MREG: variants seen among roughly 807,000 people sequenced by gnomAD.
MREG encodes the protein dilute suppressor protein homolog.
Under a neutral mutation model 28.5 loss-of-function variants are expected in MREG, and 31 were observed. That is an observed-to-expected ratio of 1.09 (90% CI 0.82 to 1.47). The LOEUF is 1.47. Ranked by LOEUF, MREG falls within the 40% of genes most tolerant of loss-of-function variation. MREG has a pLI of 0.00. For synonymous variants in MREG, 106 were observed against 95.2 expected (o/e 1.11, Z -0.66); for missense variants, 256 against 257.4 (o/e 0.99, Z 0.04).
At chr2:216,030,725 CTTTCTT>C (rs1694667461) in intron 1 of MREG, among the ~76,000 whole-genome samples, 1 of 145,026 alleles carries the variant, frequency 6.9e-6, no homozygotes, top group Admixed American at 6.9e-5. Flanking sequence ...GTATTTCTTT[CTTTCTT>C]TTTTTTTTTT....
chr2:215,959,740 T>A (rs571118210), intron 2 of MREG, among the ~76,000 whole-genome samples: 4 of 152,286 alleles, frequency 2.6e-5, no homozygotes, highest in Admixed American at 6.5e-5. Context: ...CACTCTATCC[T>A]CCGGCACACC....
chr2:216,005,731 G>C (rs2106027503), intron 1 of MREG, among the ~76,000 whole-genome samples: 2 of 151,588 alleles, frequency 1.3e-5, no homozygotes, highest in East Asian at 3.9e-4. Context: ...GGGATTACAG[G>C]TGTGAGCCAA....
At chr2:216,033,326 A>C (rs1239029809), upstream of MREG, among the ~76,000 whole-genome samples, 2 of 152,176 alleles carry the variant, frequency 1.3e-5, no homozygotes, top group African/African-American at 4.8e-5. Context: ...TATCACGTTG[A>C]ATAAAATGAC....
intron 1 of MREG, among the ~76,000 whole-genome samples, chr2:216,021,085 G>A (rs1435451134): frequency 2.0e-5 from 3 of 152,192 alleles, no homozygotes; most frequent in African/African-American, 7.2e-5. Flanking sequence ...GACCCTATTT[G>A]ACATCATCTG....
downstream of MREG, among the ~76,000 whole-genome samples, chr2:215,941,449 G>C (rs1692196196): frequency 6.6e-6 from 1 of 152,120 alleles, no homozygotes; most frequent in African/African-American, 2.4e-5. Context: ...GTGATACTCT[G>C]GTCCTGAAGT....
intron 1 of MREG, among the ~76,000 whole-genome samples, chr2:216,023,653 G>A (rs1296397619): frequency 6.6e-6 from 1 of 151,976 alleles, no homozygotes; most frequent in East Asian, 1.9e-4. Flanking sequence ...AAAACTTCTT[G>A]TTTTTACATT....
chr2:215,976,000 A>ACTCT (rs1228710594), intron 2 of MREG, among the ~76,000 whole-genome samples: 2 of 151,402 alleles, frequency 1.3e-5, no homozygotes, highest in African/African-American at 4.9e-5. Flanking sequence ...GGTATGGGGG[A>ACTCT]GCTGGGCTGA....
intron 2 of MREG, among the ~76,000 whole-genome samples, chr2:215,995,559 C>T (rs1459031340): frequency 6.7e-6 from 1 of 149,718 alleles, no homozygotes; most frequent in Non-Finnish European, 1.5e-5. Flanking sequence ...TTTCCCTACC[C>T]TGCTCAATTC....
At chr2:216,031,699 A>AAGAGAGAG (rs1361608055) in intron 1 of MREG, among the ~76,000 whole-genome samples, 336 of 127,570 alleles carry the variant, frequency 2.6e-3, no homozygotes, top group African/African-American at 7.9e-3. Context: ...AAGAGAAAGA[A>AAGAGAGAG]AGAAAGAAAG....
intron 2 of MREG, among the ~76,000 whole-genome samples, chr2:215,949,560 CA>C (rs539713640): frequency 0.1 from 11,118 of 108,142 alleles, 407 homozygotes; most frequent in Middle Eastern, 0.2. Flanking sequence ...GACTCTGTCT[CA>C]AAAAAAAAAA....
upstream of MREG, among the ~76,000 whole-genome samples, chr2:216,018,302 G>A (rs1376158621): frequency 6.6e-6 from 1 of 152,204 alleles, no homozygotes; most frequent in Non-Finnish European, 1.5e-5. Context: ...GAATACAATG[G>A]TGAACTAGAA....
At chr2:215,973,447 G>A (rs1400970038) in intron 2 of MREG, among the ~76,000 whole-genome samples, 1 of 152,146 alleles carries the variant, frequency 6.6e-6, no homozygotes, top group African/African-American at 2.4e-5. Flanking sequence ...TGGACACCCT[G>A]TCCAGTCCAC....
intron 2 of MREG, among the ~76,000 whole-genome samples, chr2:215,949,050 A>G (rs1387861385): frequency 8.3e-6 from 1 of 120,090 alleles, no homozygotes; most frequent in East Asian, 3.3e-4. Context: ...TACTACTACT[A>G]CTACTACTAC....
chr2:215,957,551 G>A (rs1233156240), intron 2 of MREG, among the ~76,000 whole-genome samples: 1 of 152,210 alleles, frequency 6.6e-6, no homozygotes, highest in Non-Finnish European at 1.5e-5. Context: ...AGAGGTCTGA[G>A]ATTCTAAGGA....
At chr2:215,978,884 C>T (rs1016325063) in intron 2 of MREG, among the ~76,000 whole-genome samples, 3 of 152,180 alleles carry the variant, frequency 2.0e-5, no homozygotes, top group Non-Finnish European at 4.4e-5. Context: ...GAACATATCT[C>T]AAAATAATAA....
chr2:215,989,658 G>C (rs1053859206), intron 2 of MREG, among the ~76,000 whole-genome samples: 2 of 152,054 alleles, frequency 1.3e-5, no homozygotes, highest in African/African-American at 4.8e-5. Context: ...AAAAAGGTTA[G>C]AGGAATTGCT....
intron 2 of MREG, 52 bp downstream of exon 2, chr2:215,996,254 T>G (rs965746334): frequency 4.6e-6 from 7 of 1,527,512 alleles, no homozygotes; most frequent in African/African-American, 1.4e-5. Context: ...GAATTACTAT[T>G]TTTTACTATA....
intron 2 of MREG, among the ~76,000 whole-genome samples, chr2:215,970,357 G>C (rs1693055447): frequency 2.0e-5 from 3 of 152,156 alleles, no homozygotes; most frequent in South Asian, 2.1e-4. Flanking sequence ...AACTGTGAGA[G>C]AACAAATTTC....
intron 2 of MREG, among the ~76,000 whole-genome samples, chr2:215,955,037 G>C (rs1692587179): frequency 6.6e-6 from 1 of 152,146 alleles, no homozygotes; most frequent in Non-Finnish European, 1.5e-5. Flanking sequence ...ACATTTATAT[G>C]ATTCAAAAAG....
Sources: gnomAD v4.1 joint callset for allele counts (sites outside exome capture counted in the v4.1 genomes callset) on GRCh38, gnomAD v4.1.1 for gene constraint, MANE v1.5 for transcripts, NCBI Gene and HGNC (gene_info 2026-07-23, HGNC 2026-07-21) for gene names.